The following ZHX2 variants were observed in gnomAD, a reference collection of about 807,000 sequenced individuals.
ZHX2 encodes the protein zinc fingers and homeoboxes protein 2.
A neutral mutation model predicts 21.9 loss-of-function variants in ZHX2; 6 were observed. The observed-to-expected ratio is 0.27, with a 90% CI of 0.15 to 0.54. ZHX2 has a LOEUF of 0.54. ZHX2 is among the 20% of genes least tolerant of loss of function. The probability of loss-of-function intolerance (pLI) is 0.95; values close to 1 mark genes in which losing one functional copy is unlikely to be tolerated. For missense variants in ZHX2, 908 were observed against 1,090.7 expected, an observed-to-expected ratio of 0.83 and a Z score of 2.36; for synonymous variants, 434 against 437.1, an observed-to-expected ratio of 0.99 and a Z score of 0.09.
rs1586568056 is a variant in ZHX2 at position 122,782,019 on chromosome 8, G to C, written c.-283+73G>C. ...CCCCAAACCCCGCACGCCGGGCGCC[G>C]GCCACTCCAGCCCAACTTTCCCACC... On this transcript the variant is annotated intron_variant, in intron 1 of 3. Coordinates refer to ENST00000314393, the MANE Select transcript of ZHX2 (RefSeq NM_014943.5). The surrounding 1 kb of genome is among the most constrained non-coding windows in gnomAD (Gnocchi z 5.3). The C allele has an allele frequency of 6.6e-6, 1 of 152,360 alleles. No homozygotes were observed. The highest frequency in any genetic ancestry group is 1.5e-5 in the Non-Finnish European group (1 of 68,328). 9.4% of individuals were successfully genotyped at this position (152,360 alleles called of 1,614,324 possible). A position where few individuals can be genotyped will look rare whatever the true frequency, so the allele number is the denominator to read the frequency against.
chr8:122,917,180 G>A (rs1030232301), intron 2 of ZHX2, among the ~76,000 whole-genome samples: 20 of 152,102 alleles, frequency 1.3e-4, no homozygotes, highest in Non-Finnish European at 2.4e-4. Flanking sequence ...TCCACCTACT[G>A]TGGCGTGGCC....
At position 122,951,556 on chromosome 8, in the gene ZHX2, T is replaced by A. The variant is rs1412822261; in HGVS notation, c.46T>A (p.Ser16Thr). 6.2e-7 allele frequency: 1 copy of A among 1,613,220 alleles called. No homozygotes were observed. The highest frequency in any genetic ancestry group is 2.2e-5 in the East Asian group (1 of 44,820). Residue 16 changes from serine (S) to threonine (T), a missense_variant, in exon 3 of 4, where the codon TCA (serine) becomes ACA (threonine). By Grantham distance (58) the Ser-to-Thr change is moderately conservative (BLOSUM62 1). Coordinates refer to ENST00000314393, the MANE Select transcript of ZHX2 (RefSeq NM_014943.5). ...KSTTPCMVRT[S>T]QVVEQDVPEE... ...TACAACTCCATGCATGGTTCGGACA[T>A]CACAAGTAGTAGAACAAGATGTGCC...
chr8:122,839,020 A>G (rs1302607120), intron 1 of ZHX2, among the ~76,000 whole-genome samples: 4 of 152,250 alleles, frequency 2.6e-5, no homozygotes, highest in African/African-American at 9.6e-5. Context: ...AGATCAAATC[A>G]GAAATTATTA....
At chr8:122,849,090 A>G (rs1818825495) in intron 1 of ZHX2, among the ~76,000 whole-genome samples, 1 of 152,230 alleles carries the variant, frequency 6.6e-6, no homozygotes, top group Non-Finnish European at 1.5e-5. Context: ...ATGGCCAGGC[A>G]GGGACCTTTC....
At chr8:122,873,363 C>T (rs1304848674) in intron 2 of ZHX2, among the ~76,000 whole-genome samples, 3 of 147,372 alleles carry the variant, frequency 2.0e-5, no homozygotes, top group Non-Finnish European at 4.7e-5. Flanking sequence ...GCTAACCCCA[C>T]GTGCAGAAGT....
At chr8:122,879,951 T>C (rs942228331) in intron 2 of ZHX2, among the ~76,000 whole-genome samples, 35 of 150,388 alleles carry the variant, frequency 2.3e-4, no homozygotes, top group African/African-American at 8.6e-4. Flanking sequence ...AAACCAACAC[T>C]GAGAGAGGTT....
rs151229510 is a variant in ZHX2, at chr8:122,868,093, G to A, written c.-220+4554G>A. On this transcript the variant is annotated intron_variant, in intron 2 of 3. Coordinates refer to ENST00000314393, the MANE Select transcript of ZHX2 (RefSeq NM_014943.5). Reference sequence around the variant, plus strand: ...TGTGACACGATTGAGCCTTTTAGCGGGTTTCTCTAGTACAGACTGAGTCAT... The same window carrying A: ...TGTGACACGATTGAGCCTTTTAGCGAGTTTCTCTAGTACAGACTGAGTCAT... 3.9e-5 allele frequency among the ~76,000 whole-genome samples: 6 copies of A among 152,160 alleles called. No individual in the cohort carries two copies. The East Asian group carries it at 9.7e-4, about 24-fold the overall frequency.
At chr8:122,877,691 G>A (rs1226637441) in intron 2 of ZHX2, among the ~76,000 whole-genome samples, 1 of 152,196 alleles carries the variant, frequency 6.6e-6, no homozygotes, top group Non-Finnish European at 1.5e-5. Context: ...CTGTCCCGGG[G>A]AAGTGGCTGC....
intron 2 of ZHX2, among the ~76,000 whole-genome samples, chr8:122,885,980 G>C (rs753027126): frequency 5.3e-5 from 8 of 152,020 alleles, no homozygotes; most frequent in Non-Finnish European, 1.0e-4. Context: ...TATGGGTCAG[G>C]GTGTTTGAAA....
At chr8:122,788,955 G>C (rs1315067601) in intron 1 of ZHX2, among the ~76,000 whole-genome samples, 1 of 152,198 alleles carries the variant, frequency 6.6e-6, no homozygotes, top group Non-Finnish European at 1.5e-5. Flanking sequence ...CCATTGTAAA[G>C]CCTCTATCAG....
At chr8:122,869,232 C>T (rs560723973) in intron 2 of ZHX2, among the ~76,000 whole-genome samples, 35 of 152,216 alleles carry the variant, frequency 2.3e-4, no homozygotes, top group South Asian at 2.1e-3. Flanking sequence ...AGGCTCCATG[C>T]GCAGGGCAGA....
intron 2 of ZHX2, among the ~76,000 whole-genome samples, chr8:122,872,482 GT>G (rs1275872270): frequency 6.6e-6 from 1 of 152,192 alleles, no homozygotes; most frequent in Non-Finnish European, 1.5e-5. Context: ...TGGACTCAGT[GT>G]GGCTAAGCTA....
chr8:122,909,319 G>A (rs1044884617), intron 2 of ZHX2, among the ~76,000 whole-genome samples: 1 of 151,992 alleles, frequency 6.6e-6, no homozygotes, highest in Non-Finnish European at 1.5e-5. Context: ...TGTAGTCCCA[G>A]CTACTAAGGA....
At chr8:122,848,351 A>G (rs982101693) in intron 1 of ZHX2, among the ~76,000 whole-genome samples, 6 of 152,094 alleles carry the variant, frequency 3.9e-5, no homozygotes, top group African/African-American at 1.4e-4. Context: ...GTCAGCCACA[A>G]CGCTCATTCC....
At chr8:122,833,948 G>A (rs941735556) in intron 1 of ZHX2, among the ~76,000 whole-genome samples, 1 of 151,586 alleles carries the variant, frequency 6.6e-6, no homozygotes, top group Admixed American at 6.6e-5. Context: ...AGTGAGCTGA[G>A]ATCGCGCCAC....
At position 122,914,562 on chromosome 8, in the gene ZHX2, C is replaced by T. The variant is rs1326845148; in HGVS notation, c.-219-36730C>T. 3.9e-5 allele frequency among the ~76,000 whole-genome samples: 6 copies of T among 152,192 alleles called. No homozygotes were observed. The South Asian group carries it at 1.2e-3, about 32-fold the overall frequency. ...CTGTCCCTGGTTCCCAAGACCTGCC[C>T]CTTCAGGCCCATCACTTGGCATTTT... On this transcript the variant is annotated intron_variant, in intron 2 of 3. Coordinates refer to ENST00000314393, the MANE Select transcript of ZHX2 (RefSeq NM_014943.5).
intron 1 of ZHX2, chr8:122,812,058 A>G (rs1289249693): frequency 6.6e-6 from 1 of 152,250 alleles, no homozygotes; most frequent in African/African-American, 2.4e-5. Flanking sequence ...GAAAGCGGTC[A>G]TTGTTATAGA....
intron 2 of ZHX2, among the ~76,000 whole-genome samples, chr8:122,915,281 G>T (rs1215028799): frequency 1.3e-5 from 2 of 152,188 alleles, no homozygotes; most frequent in Non-Finnish European, 2.9e-5. Context: ...AGAATGGATA[G>T]AAGGGCCTGA....
chr8:122,869,334 T>G (rs1252412610), intron 2 of ZHX2, among the ~76,000 whole-genome samples: 1 of 151,882 alleles, frequency 6.6e-6, no homozygotes, highest in Non-Finnish European at 1.5e-5. Flanking sequence ...TGTTTTTTTT[T>G]TTTGTTTTTT....
Sources: gnomAD v4.1 joint callset for allele counts (sites outside exome capture counted in the v4.1 genomes callset) on GRCh38, gnomAD v4.1.1 for gene constraint, Gnocchi (gnomAD v3.1) non-coding constraint, MANE v1.5 for transcripts, NCBI Gene and HGNC (gene_info 2026-07-23, HGNC 2026-07-21) for gene names.